Variants in PSPC1 observed in about 807,000 individuals in gnomAD.
The protein encoded by PSPC1 is paraspeckle protein 1.
PSPC1 carries 14 observed loss-of-function variants against 51.6 expected under a neutral mutation model. That is an observed-to-expected ratio of 0.27 (90% CI 0.18 to 0.42). The LOEUF (loss-of-function observed/expected upper bound fraction) is 0.42. PSPC1 is among the 10% of genes least tolerant of loss of function. The pLI, the probability that PSPC1 is intolerant of heterozygous loss-of-function variation, is 1.00. For missense variants in PSPC1, 406 were observed against 701.1 expected (o/e 0.58, Z 4.75); for synonymous variants, 193 against 231.9 (o/e 0.83, Z 1.53).
intron 3 of PSPC1, among the ~76,000 whole-genome samples, chr13:19,755,966 G>A (rs1159973770): frequency 6.6e-6 from 1 of 152,196 alleles, no homozygotes; most frequent in Non-Finnish European, 1.5e-5. Flanking sequence ...GCCGGGCGCA[G>A]TGGCTCACAT....
chr13:19,771,495 G>A (rs756462106), intron 2 of PSPC1, among the ~76,000 whole-genome samples: 13 of 152,096 alleles, frequency 8.5e-5, no homozygotes, highest in Non-Finnish European at 1.5e-4. Context: ...GAGTAGAGTG[G>A]CATGATCTGG....
intron 6 of PSPC1, among the ~76,000 whole-genome samples, chr13:19,711,638 A>AC (rs1881439548): frequency 1.2e-5 from 1 of 85,436 alleles, no homozygotes; most frequent in Admixed American, 1.2e-4. Flanking sequence ...ACTCCGTCTC[A>AC]TAAAAAAAAA....
chr13:19,694,193 A>T (rs1878945052), intron 6 of PSPC1, among the ~76,000 whole-genome samples: 1 of 149,678 alleles, frequency 6.7e-6, no homozygotes, highest in Non-Finnish European at 1.5e-5. Flanking sequence ...ACACACACAC[A>T]CTAAAACTTT....
chr13:19,727,309 G>T (rs547780734), intron 6 of PSPC1, among the ~76,000 whole-genome samples: 1 of 151,990 alleles, frequency 6.6e-6, no homozygotes, highest in East Asian at 1.9e-4. Context: ...CAGGAGAGTC[G>T]CTTGAACCCA....
chr13:19,754,283 AC>A (rs1384200621), intron 3 of PSPC1, among the ~76,000 whole-genome samples: 1 of 151,492 alleles, frequency 6.6e-6, no homozygotes, highest in Non-Finnish European at 1.5e-5. Flanking sequence ...ACGGGGTTTC[AC>A]CATGTTGGCC....
chr13:19,773,959 A>G (rs1888856791), intron 1 of PSPC1, among the ~76,000 whole-genome samples: 1 of 152,064 alleles, frequency 6.6e-6, no homozygotes, highest in Non-Finnish European at 1.5e-5. Context: ...GCCCTAGCCA[A>G]TGTCTTCTTA....
rs1256822851 is a variant in PSPC1, at chr13:19,703,136, G to A, written c.*39C>T. 1.3e-6 allele frequency: 2 copies of A among 1,594,344 alleles called. No individual in the cohort carries two copies. Among genetic ancestry groups the A allele is most frequent in the Admixed American group, 1.7e-5 (1 of 59,522 alleles). On this transcript the variant is annotated 3_prime_UTR_variant, in exon 9 of 9. Transcript: ENST00000338910. ...GGTAAAAGTATAAAGGCATACCACT[G>A]ACTTTTTTTTTTCTAGATAGCCAGG...
At chr13:19,722,439 A>G (rs1287240395) in intron 6 of PSPC1, among the ~76,000 whole-genome samples, 2 of 152,030 alleles carry the variant, frequency 1.3e-5, no homozygotes, top group Non-Finnish European at 2.9e-5. Flanking sequence ...GTTCAAGGTC[A>G]CAGGGCGCTA....
chr13:19,753,644 C>T (rs1886787682), intron 3 of PSPC1, among the ~76,000 whole-genome samples: 1 of 151,988 alleles, frequency 6.6e-6, no homozygotes, highest in African/African-American at 2.4e-5. Context: ...GCATAGATAC[C>T]TTGCTATAAA....
Position 19,703,092 on chromosome 13 carries a change from C to T in PSPC1, c.*83G>A. On this transcript the variant is annotated 3_prime_UTR_variant, in exon 9 of 9. Transcript: ENST00000338910. ...AAGTCTACATACATTAACAATAAAA[C>T]CATTTCTTCCAGATAACAGGTAAAA... The T allele has an allele frequency of 8.6e-7, 1 of 1,160,278 alleles. No individual in the cohort carries two copies. Among genetic ancestry groups the T allele is most frequent in the Non-Finnish European group, 1.2e-6 (1 of 816,348 alleles). The allele number at this position is 1,160,278 out of a possible 1,614,324, so 71.9% of individuals were successfully genotyped here. A position where few individuals can be genotyped will look rare whatever the true frequency, so the allele number is the denominator to read the frequency against.
At chr13:19,773,167 A>C (rs1320413224) in intron 1 of PSPC1, among the ~76,000 whole-genome samples, 2 of 152,168 alleles carry the variant, frequency 1.3e-5, no homozygotes, top group African/African-American at 4.8e-5. Context: ...CTCGGAAAAA[A>C]TAAAAATAAA....
At chr13:19,764,944 C>T (rs1887924961) in intron 2 of PSPC1, among the ~76,000 whole-genome samples, 1 of 151,582 alleles carries the variant, frequency 6.6e-6, no homozygotes, top group Non-Finnish European at 1.5e-5. Context: ...TGCCATGTTG[C>T]CCAAGCTACA....
At chr13:19,770,999 G>A (rs925985387) in intron 2 of PSPC1, among the ~76,000 whole-genome samples, 13 of 151,998 alleles carry the variant, frequency 8.6e-5, no homozygotes, top group African/African-American at 3.1e-4. Flanking sequence ...TAGAGACAGG[G>A]TCTCACTGCA....
intron 6 of PSPC1, among the ~76,000 whole-genome samples, chr13:19,695,723 A>T (rs1182554305): frequency 2.0e-5 from 3 of 150,806 alleles, no homozygotes; most frequent in African/African-American, 7.3e-5. Flanking sequence ...AATTTTTATC[A>T]TTTTTTTTTC....
rs757706241 is a variant in PSPC1 at position 19,772,341 on chromosome 13, C to T, written c.575G>A (p.Arg192His). 3.1e-6 allele frequency: 5 copies of T among 1,614,190 alleles called. No individual in the cohort carries two copies. Among genetic ancestry groups the T allele is most frequent in the Non-Finnish European group, 4.2e-6 (5 of 1,180,048 alleles). Reference protein sequence around the residue: ...VEKAVVVVDDRGRATGKGFVE... With the variant: ...VEKAVVVVDDHGRATGKGFVE... The stretch of plus-strand genomic sequence containing the variant: ...AAAACCTTTTCCTGTAGCTCTACCG[C>T]GATCATCCACAACCACAACAGCTTT... The change falls in exon 2 of 9, where the codon CGC becomes CAC. Residue 192 changes from arginine (R) to histidine (H), a missense_variant. By Grantham distance (29) the Arg-to-His change is conservative. This residue lies in a region of PSPC1 where 180 missense variants were observed against 337.9 expected (regional missense o/e 0.53). Transcript: ENST00000338910.
chr13:19,732,013 A>G (rs1884176133), intron 5 of PSPC1, among the ~76,000 whole-genome samples: 1 of 152,190 alleles, frequency 6.6e-6, no homozygotes, highest in Non-Finnish European at 1.5e-5. Flanking sequence ...GCAAATCCTC[A>G]AATTTCAAGA....
At chr13:19,754,320 A>C (rs1886858588) in intron 3 of PSPC1, among the ~76,000 whole-genome samples, 1 of 151,934 alleles carries the variant, frequency 6.6e-6, no homozygotes, top group South Asian at 2.1e-4. Flanking sequence ...TCCTGATCTC[A>C]GGTGATCCAC....
intron 1 of PSPC1, among the ~76,000 whole-genome samples, chr13:19,778,326 T>C (rs1889412598): frequency 6.6e-6 from 1 of 150,672 alleles, no homozygotes; most frequent in South Asian, 2.1e-4. Flanking sequence ...CCGTACCATG[T>C]AATTACAATT....
intron 6 of PSPC1, among the ~76,000 whole-genome samples, chr13:19,683,733 A>T (rs1320694310): frequency 6.6e-6 from 1 of 152,230 alleles, no homozygotes; most frequent in African/African-American, 2.4e-5. Context: ...GGAATCATTT[A>T]TAAATATTAA....
Sources: allele counts gnomAD v4.1 joint callset (sites outside exome capture counted in the v4.1 genomes callset), GRCh38; gene constraint gnomAD v4.1.1; regional missense constraint gnomAD v4.1.1; transcripts MANE v1.5; gene names NCBI Gene and HGNC (gene_info 2026-07-23, HGNC 2026-07-21).